The following DNAJB14 variants were observed in gnomAD, a reference collection of about 807,000 sequenced individuals.
DNAJB14 encodes the protein DnaJ heat shock protein family (Hsp40) member B14.
A neutral mutation model predicts 48.4 loss-of-function variants in DNAJB14; 22 were observed. That is an observed-to-expected ratio of 0.45 (90% CI 0.32 to 0.65). DNAJB14 has a LOEUF of 0.65. Among genes scored for constraint, DNAJB14 ranks in the 30% least tolerant of loss-of-function variants. The probability of loss-of-function intolerance (pLI) is 0.03; values close to 1 mark genes in which losing one functional copy is unlikely to be tolerated. For missense variants in DNAJB14, 319 were observed against 458.8 expected, an observed-to-expected ratio of 0.70 and a Z score of 2.78; for synonymous variants, 142 against 158.7, an observed-to-expected ratio of 0.89 and a Z score of 0.79.
At chr4:99,920,865 T>C (rs1469317211) in intron 3 of DNAJB14, among the ~76,000 whole-genome samples, 2 of 152,254 alleles carry the variant, frequency 1.3e-5, no homozygotes, top group East Asian at 1.9e-4. Flanking sequence ...CTGTAAAAAG[T>C]GTTTTAGTAA....
chr4:99,916,227 C>T (rs756800331), intron 3 of DNAJB14, among the ~76,000 whole-genome samples: 2 of 152,126 alleles, frequency 1.3e-5, no homozygotes, highest in African/African-American at 4.8e-5. Flanking sequence ...CAGCCTCAAC[C>T]CCCCAGGCTC....
chr4:99,919,507 C>G (rs1281817282), intron 3 of DNAJB14, among the ~76,000 whole-genome samples: 1 of 152,102 alleles, frequency 6.6e-6, no homozygotes, highest in African/African-American at 2.4e-5. Context: ...TTGCTTGAAC[C>G]CGAGAGGCAG....
In DNAJB14 at chr4:99,897,075, G is replaced by A. The variant is rs1725161232; in HGVS notation, c.*3953C>T. ...TAATTCACACCAATGAAATTGTGTT[G>A]ACTGATTTTCAAAGTCAGACATAAA... is the stretch of plus-strand genomic sequence containing the variant. On this transcript the variant is annotated 3_prime_UTR_variant, in exon 8 of 8. Coordinates refer to ENST00000442697, the MANE Select transcript of DNAJB14 (RefSeq NM_001031723.4). 1 of 151,728 alleles carries A rather than the reference G, an allele frequency of 6.6e-6. No homozygotes were observed. Among genetic ancestry groups the A allele is most frequent in the Non-Finnish European group, 1.5e-5 (1 of 67,856 alleles). 9.4% of individuals were successfully genotyped at this position (151,728 alleles called of 1,614,324 possible).
intron 3 of DNAJB14, among the ~76,000 whole-genome samples, chr4:99,918,742 T>C (rs777832049): frequency 1.3e-5 from 2 of 152,206 alleles, no homozygotes; most frequent in Non-Finnish European, 2.9e-5. Context: ...TCATTACTGT[T>C]CTCCATTTAA....
chr4:99,913,901 T>G (rs1725758362), intron 3 of DNAJB14, among the ~76,000 whole-genome samples: 1 of 152,194 alleles, frequency 6.6e-6, no homozygotes, highest in African/African-American at 2.4e-5. Flanking sequence ...TACCTGAGAC[T>G]AGCTTATGGT....
intron 3 of DNAJB14, among the ~76,000 whole-genome samples, chr4:99,916,466 C>T (rs1468552244): frequency 6.6e-6 from 1 of 152,096 alleles, no homozygotes; most frequent in Non-Finnish European, 1.5e-5. Context: ...ATGCATTATG[C>T]CAAAAGACTT....
intron 6 of DNAJB14, 152 bp from the exon 7 acceptor site, chr4:99,904,050 A>G (rs1248783177): frequency 1.2e-6 from 1 of 829,766 alleles, no homozygotes; most frequent in Non-Finnish European, 1.8e-6. Flanking sequence ...GAAATCCGAA[A>G]TGCTCTAAAA....
intron 4 of DNAJB14, among the ~76,000 whole-genome samples, chr4:99,907,523 A>T (rs1725509621): frequency 6.6e-6 from 1 of 151,942 alleles, no homozygotes; most frequent in Non-Finnish European, 1.5e-5. Flanking sequence ...AAAAAGTTTT[A>T]AAAAAATTAG....
intron 1 of DNAJB14, among the ~76,000 whole-genome samples, chr4:99,932,043 A>C (rs991488246): frequency 6.6e-6 from 1 of 152,132 alleles, no homozygotes; most frequent in African/African-American, 2.4e-5. Context: ...CATGAATCTA[A>C]GTGTAAGAGC....
At chr4:99,944,288 C>T (rs561189024) in intron 1 of DNAJB14, among the ~76,000 whole-genome samples, 8 of 152,308 alleles carry the variant, frequency 5.3e-5, no homozygotes, top group African/African-American at 1.7e-4. Context: ...ACCCTATGTA[C>T]TGTTCGTGGG....
rs1725381562 is a variant in DNAJB14 at position 99,903,916 on chromosome 4, CATT to C, written c.843-21_843-19del. 1 of 1,599,540 alleles carries C rather than the reference CATT, an allele frequency of 6.3e-7. No homozygotes were observed. Among genetic ancestry groups the C allele is most frequent in the Non-Finnish European group, 8.5e-7 (1 of 1,175,212 alleles). ...CAGTTCCACTGTAAAAGAGATGCATCATTATTTTAATTAAAATTGGACATTCCA... is the reference window on the plus strand; with the variant it reads ...CAGTTCCACTGTAAAAGAGATGCATCATTTTAATTAAAATTGGACATTCCA... On this transcript the variant is annotated intron_variant, in intron 6 of 7. Transcript: ENST00000442697.
At chr4:99,944,699 C>T (rs1727003327) in intron 1 of DNAJB14, among the ~76,000 whole-genome samples, 2 of 151,874 alleles carry the variant, frequency 1.3e-5, no homozygotes, top group African/African-American at 4.8e-5. Flanking sequence ...TCAGCATCCC[C>T]TAGTAGCTGG....
At chr4:99,907,511 C>G (rs920991798) in intron 4 of DNAJB14, among the ~76,000 whole-genome samples, 6 of 151,636 alleles carry the variant, frequency 4.0e-5, no homozygotes, top group African/African-American at 1.5e-4. Flanking sequence ...CCTGTCTCTA[C>G]AAAAAAGTTT....
At chr4:99,942,343 C>A (rs1056853790) in intron 1 of DNAJB14, 1 of 151,570 alleles carries the variant, frequency 6.6e-6, no homozygotes, top group African/African-American at 2.4e-5. Flanking sequence ...AAAAAAAAAT[C>A]TACAAACTAT....
intron 4 of DNAJB14, among the ~76,000 whole-genome samples, chr4:99,908,168 T>G (rs996377708): frequency 1.3e-5 from 2 of 152,026 alleles, no homozygotes; most frequent in African/African-American, 4.8e-5. Flanking sequence ...AATATTTCAC[T>G]TTGATAGTCT....
chr4:99,944,389 C>A (rs981730808), intron 1 of DNAJB14, among the ~76,000 whole-genome samples: 12 of 152,200 alleles, frequency 7.9e-5, no homozygotes, highest in African/African-American at 2.9e-4. Flanking sequence ...AATCCCACTT[C>A]TTGGTATCCA....
At chr4:99,903,006 A>G (rs934839658) in intron 7 of DNAJB14, among the ~76,000 whole-genome samples, 1 of 152,140 alleles carries the variant, frequency 6.6e-6, no homozygotes, top group African/African-American at 2.4e-5. Flanking sequence ...AGAGGTTACA[A>G]TTCGTCAGCT....
chr4:99,946,230 G>C (rs1304099640), intron 1 of DNAJB14, among the ~76,000 whole-genome samples: 1 of 152,102 alleles, frequency 6.6e-6, no homozygotes, highest in African/African-American at 2.4e-5. Flanking sequence ...GAGGAACCTC[G>C]CGCAGCATTC....
intron 1 of DNAJB14, among the ~76,000 whole-genome samples, chr4:99,932,384 C>G (rs564855957): frequency 2.6e-5 from 4 of 151,818 alleles, no homozygotes; most frequent in Non-Finnish European, 5.9e-5. Context: ...AACAAACAAA[C>G]AAATGGTCAA....
Sources: gnomAD v4.1 joint callset for allele counts (sites outside exome capture counted in the v4.1 genomes callset) on GRCh38, gnomAD v4.1.1 for gene constraint, MANE v1.5 for transcripts, NCBI Gene and HGNC (gene_info 2026-07-23, HGNC 2026-07-21) for gene names.